The following SGCZ variants were observed in gnomAD, a reference collection of about 807,000 sequenced individuals.
The protein encoded by SGCZ is sarcoglycan zeta, also known as zeta-sarcoglycan.
Under a neutral mutation model 41.3 loss-of-function variants are expected in SGCZ, and 40 were observed. The observed-to-expected ratio is 0.97, with a 90% confidence interval of 0.75 to 1.26. The LOEUF (loss-of-function observed/expected upper bound fraction) is 1.26, where lower values mean the gene tolerates loss of function less well. Ranked by LOEUF, SGCZ falls within the 50% of genes most tolerant of loss-of-function variation. The pLI is 0.00. For missense variants in SGCZ, 552 were observed against 369.8 expected, an observed-to-expected ratio of 1.49 and a Z score of -4.04; for synonymous variants, 206 against 137.5, an observed-to-expected ratio of 1.50 and a Z score of -3.49.
chr8:14,551,569 A>G (rs1226430800), intron 2 of SGCZ, among the ~76,000 whole-genome samples: 1 of 18,430 alleles, frequency 5.4e-5, no homozygotes, highest in Non-Finnish European at 8.4e-5. Flanking sequence ...TTATATATAT[A>G]ATATATATAT....
intron 2 of SGCZ, among the ~76,000 whole-genome samples, chr8:14,451,313 C>T (rs753932387): frequency 1.3e-5 from 2 of 152,132 alleles, no homozygotes; most frequent in Non-Finnish European, 2.9e-5. Context: ...GTTCAGTGAT[C>T]TTAGAATAGA....
intron 5 of SGCZ, among the ~76,000 whole-genome samples, chr8:14,112,619 T>C (rs1802409929): frequency 6.6e-6 from 1 of 152,144 alleles, no homozygotes; most frequent in Non-Finnish European, 1.5e-5. Flanking sequence ...TACTAAAATC[T>C]AGATTAAGCT....
chr8:14,696,957 TAAAGTTA>T (rs1423512127), intron 1 of SGCZ, among the ~76,000 whole-genome samples: 3 of 123,948 alleles, frequency 2.4e-5, no homozygotes, highest in African/African-American at 4.4e-5. Context: ...TCTATGTTGA[TAAAGTTA>T]AAAAAAAACA....
intron 1 of SGCZ, among the ~76,000 whole-genome samples, chr8:14,827,863 G>A (rs902325332): frequency 1.3e-5 from 2 of 151,782 alleles, no homozygotes; most frequent in African/African-American, 4.8e-5. Context: ...CACACACACA[G>A]ACACACATAT....
intron 1 of SGCZ, among the ~76,000 whole-genome samples, chr8:15,200,189 A>C (rs1388183237): frequency 6.6e-5 from 10 of 152,234 alleles, no homozygotes. Flanking sequence ...TTCAAAAGTC[A>C]ATATAGCATA....
intron 1 of SGCZ, among the ~76,000 whole-genome samples, chr8:15,188,192 G>C (rs1198238641): frequency 6.6e-6 from 1 of 151,976 alleles, no homozygotes; most frequent in African/African-American, 2.4e-5. Flanking sequence ...ATTGTATCAA[G>C]TGGGATTTCT....
At chr8:14,796,844 G>A (rs1470596607) in intron 1 of SGCZ, among the ~76,000 whole-genome samples, 1 of 152,100 alleles carries the variant, frequency 6.6e-6, no homozygotes, top group Non-Finnish European at 1.5e-5. Context: ...CTACTCTCAA[G>A]AGGGTGAGTA....
intron 1 of SGCZ, among the ~76,000 whole-genome samples, chr8:14,787,533 G>A (rs1356752992): frequency 1.3e-5 from 2 of 152,196 alleles, no homozygotes; most frequent in South Asian, 2.1e-4. Flanking sequence ...TAGTAACTGA[G>A]TTTTATCCTA....
intron 2 of SGCZ, chr8:14,487,927 T>C (rs548113396): frequency 6.6e-6 from 1 of 152,250 alleles, no homozygotes; most frequent in Admixed American, 6.5e-5. Context: ...TATGACAAGT[T>C]TAATTCTGTT....
chr8:14,480,942 A>G (rs1005718038), intron 2 of SGCZ, among the ~76,000 whole-genome samples: 1 of 152,116 alleles, frequency 6.6e-6, no homozygotes, highest in African/African-American at 2.4e-5. Flanking sequence ...ACTTGTAAAG[A>G]CTTAATGAAT....
intron 1 of SGCZ, among the ~76,000 whole-genome samples, chr8:14,709,384 T>C (rs772598074): frequency 1.3e-5 from 2 of 152,206 alleles, no homozygotes; most frequent in Non-Finnish European, 2.9e-5. Context: ...ATGAAATGCT[T>C]ATTTTGTGTA....
At chr8:15,012,346 C>T (rs1388015371) in intron 1 of SGCZ, among the ~76,000 whole-genome samples, 1 of 150,838 alleles carries the variant, frequency 6.6e-6, no homozygotes, top group African/African-American at 2.4e-5. Context: ...GCCTATAGTC[C>T]TAGTTATTTG....
intron 1 of SGCZ, among the ~76,000 whole-genome samples, chr8:15,130,552 C>T (rs1003005099): frequency 5.9e-5 from 9 of 152,204 alleles, no homozygotes; most frequent in African/African-American, 2.2e-4. Context: ...TGCTCCTCAT[C>T]CCAGCAGGCT....
intron 1 of SGCZ, among the ~76,000 whole-genome samples, chr8:14,938,886 C>T (rs1331836844): frequency 2.6e-5 from 4 of 151,766 alleles, no homozygotes; most frequent in African/African-American, 7.3e-5. Context: ...TTTTTGTATC[C>T]GCAGTTGGTT....
chr8:14,239,572 G>C (rs1225486862), intron 3 of SGCZ, among the ~76,000 whole-genome samples: 1 of 151,982 alleles, frequency 6.6e-6, no homozygotes, highest in African/African-American at 2.4e-5. Flanking sequence ...CAACAATAGA[G>C]TAAAACACCA....
intron 4 of SGCZ, among the ~76,000 whole-genome samples, chr8:14,210,177 C>T (rs1805756204): frequency 6.6e-6 from 1 of 152,160 alleles, no homozygotes; most frequent in Non-Finnish European, 1.5e-5. Context: ...CCTGCCTCAG[C>T]CTCCCAAGTA....
chr8:15,099,500 G>C (rs1806519819), intron 1 of SGCZ, among the ~76,000 whole-genome samples: 1 of 152,140 alleles, frequency 6.6e-6, no homozygotes, highest in Non-Finnish European at 1.5e-5. Flanking sequence ...TCAAGGGCCA[G>C]TAGTTTCACT....
chr8:14,185,034 A>C (rs569660731), intron 4 of SGCZ, among the ~76,000 whole-genome samples: 19 of 152,238 alleles, frequency 1.2e-4, no homozygotes, highest in African/African-American at 4.6e-4. Context: ...GTTTCTTTTC[A>C]ACCTTTATAA....
At chr8:14,633,935 C>T (rs571782436) in intron 1 of SGCZ, among the ~76,000 whole-genome samples, 5 of 151,944 alleles carry the variant, frequency 3.3e-5, no homozygotes, top group South Asian at 4.1e-4. Context: ...GGTCAATTTT[C>T]GCAGTTCAGA....
Sources: gnomAD v4.1 joint callset for allele counts (sites outside exome capture counted in the v4.1 genomes callset) on GRCh38, gnomAD v4.1.1 for gene constraint, MANE v1.5 for transcripts, NCBI Gene and HGNC (gene_info 2026-07-23, HGNC 2026-07-21) for gene names.